Variants in TLR3 observed in about 807,000 individuals in gnomAD.
The protein encoded by TLR3 is toll like receptor 3.
TLR3 carries 43 observed loss-of-function variants against 66.4 expected under a neutral mutation model. That is an observed-to-expected ratio of 0.65 (90% CI 0.51 to 0.83). The LOEUF is 0.83. Among genes scored for constraint, TLR3 ranks in the 40% least tolerant of loss-of-function variants. The pLI, the probability that TLR3 is intolerant of heterozygous loss-of-function variation, is 0.00. For missense variants in TLR3, 982 were observed against 1,044.6 expected, an observed-to-expected ratio of 0.94 and a Z score of 0.83; for synonymous variants, 397 against 397.2, an observed-to-expected ratio of 1.00 and a Z score of 0.01.
intron 1 of TLR3, among the ~76,000 whole-genome samples, chr4:186,074,819 C>T (rs1041922095): frequency 4.0e-5 from 6 of 151,034 alleles, no homozygotes; most frequent in Non-Finnish European, 5.9e-5. Context: ...ACTTTTTAAA[C>T]GTTTTTGTTA....
At chr4:186,069,303 T>G (rs556041380) in intron 1 of TLR3, 55 bp downstream of exon 1, 1 of 152,128 alleles carries the variant, frequency 6.6e-6, no homozygotes, top group African/African-American at 2.4e-5. Context: ...TCTTGCTGAG[T>G]AGAGTTTGCT....
intron 4 of TLR3, 36 bp downstream of exon 4, chr4:186,084,208 G>T (rs1278646978): frequency 1.3e-6 from 2 of 1,594,632 alleles, no homozygotes; most frequent in Admixed American, 1.7e-5. Context: ...GTGTGTACTT[G>T]CTTTTCAATT....
intron 1 of TLR3, among the ~76,000 whole-genome samples, chr4:186,070,048 G>GT (rs1196844598): frequency 2.0e-5 from 3 of 152,334 alleles, no homozygotes; most frequent in African/African-American, 7.2e-5. Context: ...AGGCAATATT[G>GT]TCTCTCACTT....
At chr4:186,079,968 G>A (rs1297457407) in intron 3 of TLR3, among the ~76,000 whole-genome samples, 1 of 152,124 alleles carries the variant, frequency 6.6e-6, no homozygotes, top group East Asian at 1.9e-4. Flanking sequence ...GTGATAGCTG[G>A]GCACAGGAAG....
rs760790191 is a variant in TLR3, at chr4:186,082,825, A to T, written c.1139A>T (p.Asn380Ile). The change falls in exon 4 of 5, where the codon AAC becomes ATC. Residue 380 changes from asparagine to isoleucine, a missense_variant. Asn to Ile is a moderately radical substitution (Grantham distance 149). Coordinates refer to ENST00000296795, the MANE Select transcript of TLR3 (RefSeq NM_003265.3). ...AGCAATATGTTCACAGGATTGATAA[A>T]CCTGAAATACTTAAGTCTATCCAAC... is the stretch of plus-strand genomic sequence containing the variant. ...IKSNMFTGLI[N>I]LKYLSLSNSF... 1.6e-5 allele frequency: 26 copies of T among 1,613,942 alleles called. No individual in the cohort carries two copies. The highest frequency in any genetic ancestry group is 2.2e-5 in the Non-Finnish European group (26 of 1,179,920).
rs1291463808 is a variant in TLR3, at chr4:186,087,718, G to T, written c.*2845G>T. 6.6e-6 allele frequency: 1 copy of T among 152,154 alleles called. No individual in the cohort carries two copies. Among genetic ancestry groups the T allele is most frequent in the Non-Finnish European group, 1.5e-5 (1 of 68,026 alleles). The allele number at this position is 152,154 out of a possible 1,614,324, so 9.4% of individuals were successfully genotyped here. On this transcript the variant is annotated 3_prime_UTR_variant, in exon 5 of 5. Transcript: ENST00000296795. ...GCCACTTAGTTTACAATGTCTAATT[G>T]TTCAAATATACATCTAGGTTGTAAA...
At chr4:186,081,250 C>A (rs2099303391) in intron 3 of TLR3, among the ~76,000 whole-genome samples, 2 of 140,980 alleles carry the variant, frequency 1.4e-5, no homozygotes, top group African/African-American at 5.3e-5. Flanking sequence ...CCCTGGGGGA[C>A]AGAGCGAAAC....
At position 186,084,829 on chromosome 4, in the gene TLR3, C is replaced by G. The variant is rs765076033; in HGVS notation, c.2671C>G (p.His891Asp). The G allele has an allele frequency of 2.5e-6, 4 of 1,613,996 alleles. No homozygotes were observed. Among genetic ancestry groups the G allele is most frequent in the Admixed American group, 3.3e-5 (2 of 60,020 alleles). ...GAAAGAACGGATAGGTGCCTTTCGT[C>G]ATAAATTGCAAGTAGCACTTGGATC... ...VQKERIGAFR[H>D]KLQVALGSKN... Residue 891 changes from histidine to aspartate, a missense_variant, in exon 5 of 5, where the codon CAT (histidine) becomes GAT (aspartate). Physicochemically the swap from His to Asp is moderately conservative, Grantham distance 81. This residue lies in a region of TLR3 where 666 missense variants were observed against 709.0 expected (regional missense o/e 0.94). Transcript: ENST00000296795.
intron 3 of TLR3, 145 bp downstream of exon 3, chr4:186,079,176 T>A: frequency 1.2e-6 from 1 of 804,380 alleles, no homozygotes. Flanking sequence ...GGCATTGGTG[T>A]CATCCTCCTG....
At chr4:186,071,921 T>C (rs556950951) in intron 1 of TLR3, among the ~76,000 whole-genome samples, 313 of 152,316 alleles carry the variant, frequency 2.1e-3, no homozygotes, top group Non-Finnish European at 3.5e-3. Context: ...ACCTTGTGGG[T>C]GTATTTGATT....
intron 1 of TLR3, among the ~76,000 whole-genome samples, chr4:186,074,517 G>A (rs533730778): frequency 6.6e-6 from 1 of 152,328 alleles, no homozygotes. Context: ...GTCTGTGAGT[G>A]AGAAGGGAAG....
rs764748873 is a variant in TLR3 at position 186,083,562 on chromosome 4, GAGA to G, written c.1882_1884del (p.Lys628del). 13 of 1,613,004 alleles carry G rather than the reference GAGA, an allele frequency of 8.1e-6. No homozygotes were observed. Among genetic ancestry groups the G allele is most frequent in the African/African-American group, 6.7e-5 (5 of 74,886 alleles). On this transcript the variant is annotated inframe_deletion, in exon 4 of 5. Transcript: ENST00000296795. The surrounding 1 kb of genome is among the most constrained non-coding windows in gnomAD (Gnocchi z 4.0). ...TCAGAAGAATCTCATAACATCCGTT[GAGA>G]AGAAGGTTTTCGGGCCAGCTTTCAG...
intron 3 of TLR3, among the ~76,000 whole-genome samples, chr4:186,081,327 G>A (rs901438635): frequency 7.3e-5 from 11 of 151,720 alleles, no homozygotes; most frequent in Non-Finnish European, 1.5e-4. Context: ...GGTTTCGACT[G>A]CCTGCCGGAA....
chr4:186,084,616 T>C, intron 4 of TLR3, 29 bp from the exon 5 acceptor site: 2 of 1,450,080 alleles, frequency 1.4e-6, no homozygotes, highest in Non-Finnish European at 1.9e-6. Flanking sequence ...AAACCGTATA[T>C]TAATTCTTCA....
chr4:186,084,963 A>T lies in TLR3; in HGVS notation c.*90A>T. On this transcript the variant is annotated 3_prime_UTR_variant, in exon 5 of 5. Coordinates refer to ENST00000296795, the MANE Select transcript of TLR3 (RefSeq NM_003265.3). The stretch of plus-strand genomic sequence containing the variant: ...TTAAGTTTTCCATAAAGGTGTTATA[A>T]TTTGTTTATTCATATTTGTAAATGA... The T allele has an allele frequency of 3.0e-6, 3 of 1,005,378 alleles. No homozygotes were observed. The highest frequency in any genetic ancestry group is 4.5e-6 in the Non-Finnish European group (3 of 662,982). 62.3% of individuals were successfully genotyped at this position (1,005,378 alleles called of 1,614,324 possible).
chr4:186,076,912 T>A lies in TLR3; in HGVS notation c.293T>A (p.Leu98His), dbSNP rs1450040301. ...CTGGAGCCAGAATTGTGCCAGAAAC[T>A]TCCCATGTTAAAAGTTTTGAACCTC... ...SKLEPELCQK[L>H]PMLKVLNLQH... is the part of the protein sequence containing the mutation. The change falls in exon 2 of 5, where the codon CTT (leucine) becomes CAT (histidine). Residue 98 changes from leucine (L) to histidine (H), a missense_variant. Leu to His is a moderately conservative substitution (Grantham distance 99). This residue lies in a region of TLR3 where 313 missense variants were observed against 319.0 expected (regional missense o/e 0.98). Transcript: ENST00000296795. 2 of 1,614,068 alleles carry A rather than the reference T, an allele frequency of 1.2e-6. No individual in the cohort carries two copies. The highest frequency in any genetic ancestry group is 1.7e-6 in the Non-Finnish European group (2 of 1,180,046).
chr4:186,073,205 G>A (rs6814488), intron 1 of TLR3, among the ~76,000 whole-genome samples: 27,003 of 151,946 alleles, frequency 0.18, 2,464 homozygotes, highest in East Asian at 0.25. Context: ...ATCCGGTGGG[G>A]GAAAGAAGTC....
intron 1 of TLR3, among the ~76,000 whole-genome samples, chr4:186,069,884 T>G (rs1160660419): frequency 1.3e-5 from 2 of 152,208 alleles, no homozygotes; most frequent in Non-Finnish European, 2.9e-5. Flanking sequence ...GCAAGTTGAT[T>G]CCCAGGTTTA....
chr4:186,072,332 G>C (rs1372762916), intron 1 of TLR3, among the ~76,000 whole-genome samples: 1 of 152,094 alleles, frequency 6.6e-6, no homozygotes, highest in Non-Finnish European at 1.5e-5. Flanking sequence ...GGGGAGTGGG[G>C]GCGAAGTCTC....
Sources: gnomAD v4.1 joint callset for allele counts (sites outside exome capture counted in the v4.1 genomes callset) on GRCh38, gnomAD v4.1.1 for gene constraint, gnomAD v4.1.1 regional missense constraint, Gnocchi (gnomAD v3.1) non-coding constraint, MANE v1.5 for transcripts, NCBI Gene and HGNC (gene_info 2026-07-23, HGNC 2026-07-21) for gene names.